The following PKIG variants were observed in gnomAD, a reference collection of about 807,000 sequenced individuals.
The protein encoded by PKIG is cAMP-dependent protein kinase inhibitor gamma.
A neutral mutation model predicts 6.8 loss-of-function variants in PKIG; 1 was observed. The observed-to-expected ratio is 0.15, with a 90% CI of 0.05 to 0.69. The LOEUF (loss-of-function observed/expected upper bound fraction) is 0.69, where lower values mean the gene tolerates loss of function less well. Ranked by LOEUF, PKIG falls within the 30% of genes least tolerant of loss-of-function variation. The pLI is 0.82. For missense variants in PKIG, 77 were observed against 104.0 expected (o/e 0.74, Z 1.13); for synonymous variants, 39 against 43.0 (o/e 0.91, Z 0.36).
chr20:44,569,451 T>TA (rs1471120245), intron 1 of PKIG, among the ~76,000 whole-genome samples: 6 of 152,102 alleles, frequency 3.9e-5, no homozygotes, highest in East Asian at 1.9e-4. Flanking sequence ...GCGATGAAAG[T>TA]AAAAAAAATC....
intron 1 of PKIG, among the ~76,000 whole-genome samples, chr20:44,555,405 C>A (rs920508164): frequency 6.6e-6 from 1 of 152,176 alleles, no homozygotes; most frequent in Non-Finnish European, 1.5e-5. Flanking sequence ...TTGCCAAATT[C>A]TATAGGTTTT....
In PKIG at chr20:44,587,060, A is replaced by G. The variant is rs528930434; in HGVS notation, c.-93-2737A>G. 2.6e-4 allele frequency among the ~76,000 whole-genome samples: 40 copies of G among 152,322 alleles called. No individual in the cohort carries two copies. The Middle Eastern group carries it at 0.017, about 65-fold the overall frequency. ...TCAGTTACTGTTTTAGTACTTTATCAGTGTAGTCTTTAACATTCCATAAAT... is the reference window on the plus strand; with the variant it reads ...TCAGTTACTGTTTTAGTACTTTATCGGTGTAGTCTTTAACATTCCATAAAT... On this transcript the variant is annotated intron_variant, in intron 1 of 3. Coordinates refer to ENST00000372886, the MANE Select transcript of PKIG (RefSeq NM_001281445.2).
chr20:44,602,263 T>A (rs975947615), intron 2 of PKIG, among the ~76,000 whole-genome samples: 5 of 152,222 alleles, frequency 3.3e-5, no homozygotes, highest in African/African-American at 1.2e-4. Context: ...TCTATCCAAC[T>A]TTTCTGTAGA....
intron 2 of PKIG, among the ~76,000 whole-genome samples, chr20:44,606,984 C>G (rs1356774617): frequency 6.6e-6 from 1 of 152,220 alleles, no homozygotes. Context: ...AAATAAATTT[C>G]TGTTCTTTAG....
intron 1 of PKIG, among the ~76,000 whole-genome samples, chr20:44,572,075 C>T (rs1426206753): frequency 1.3e-5 from 2 of 152,232 alleles, no homozygotes; most frequent in Non-Finnish European, 2.9e-5. Flanking sequence ...ACAATCTCAG[C>T]TCATTACAAC....
At chr20:44,549,884 T>C (rs888037743) in intron 1 of PKIG, among the ~76,000 whole-genome samples, 1 of 152,108 alleles carries the variant, frequency 6.6e-6, no homozygotes, top group African/African-American at 2.4e-5. Flanking sequence ...TTTGTAATTA[T>C]AGGAATTCTT....
chr20:44,592,140 T>A (rs905925990), intron 2 of PKIG, among the ~76,000 whole-genome samples: 1 of 152,186 alleles, frequency 6.6e-6, no homozygotes, highest in Non-Finnish European at 1.5e-5. Flanking sequence ...TTTAGTTTGA[T>A]CTTATGAAGT....
chr20:44,560,736 A>G (rs1339027411), intron 1 of PKIG, among the ~76,000 whole-genome samples: 1 of 152,200 alleles, frequency 6.6e-6, no homozygotes, highest in Non-Finnish European at 1.5e-5. Flanking sequence ...GGGAATGTAG[A>G]CCAAGATCTT....
chr20:44,603,217 C>G (rs1043354551), intron 2 of PKIG, among the ~76,000 whole-genome samples: 1 of 152,130 alleles, frequency 6.6e-6, no homozygotes, highest in Non-Finnish European at 1.5e-5. Context: ...CACCGTTAAA[C>G]AGAGTAAAAA....
intron 2 of PKIG, among the ~76,000 whole-genome samples, chr20:44,608,285 A>G (rs2065185023): frequency 6.6e-6 from 1 of 152,238 alleles, no homozygotes; most frequent in Non-Finnish European, 1.5e-5. Flanking sequence ...ATATTAATGT[A>G]TGTAATTATA....
chr20:44,574,562 T>G (rs1224798032), intron 1 of PKIG, among the ~76,000 whole-genome samples: 2 of 151,454 alleles, frequency 1.3e-5, no homozygotes, highest in East Asian at 1.9e-4. Flanking sequence ...TCAGCATGTT[T>G]TTTTTGTTTT....
chr20:44,598,530 G>A (rs1458648181), intron 2 of PKIG: 1 of 152,218 alleles, frequency 6.6e-6, no homozygotes, highest in Non-Finnish European at 1.5e-5. Flanking sequence ...GGCATGGGCA[G>A]ACCTGGAGTG....
At position 44,618,649 on chromosome 20, in the gene PKIG, G is replaced by A. The variant is rs2065293728; in HGVS notation, c.*285G>A. 11 of 369,226 alleles carry A rather than the reference G, an allele frequency of 3.0e-5. No homozygotes were observed. The highest frequency in any genetic ancestry group is 2.0e-4 in the Admixed American group (5 of 25,344). The allele number at this position is 369,226 out of a possible 1,614,324, so 22.9% of individuals were successfully genotyped here. A position where few individuals can be genotyped will look rare whatever the true frequency, so the allele number is the denominator to read the frequency against. Reference sequence around the variant, plus strand: ...ATTGAGCTGGCGCCGGGACTTGGGCGGGGCCTGCCCTACAGTGAGCAGCCC... The same window carrying A: ...ATTGAGCTGGCGCCGGGACTTGGGCAGGGCCTGCCCTACAGTGAGCAGCCC... On this transcript the variant is annotated 3_prime_UTR_variant, in exon 4 of 4. Coordinates refer to ENST00000372886, the MANE Select transcript of PKIG (RefSeq NM_001281445.2).
chr20:44,548,635 A>G (rs944652780), intron 1 of PKIG, among the ~76,000 whole-genome samples: 1 of 152,162 alleles, frequency 6.6e-6, no homozygotes, highest in African/African-American at 2.4e-5. Flanking sequence ...TCTTTGAAAT[A>G]TAAACAGCAT....
At chr20:44,557,281 C>A (rs1006272885) in intron 1 of PKIG, among the ~76,000 whole-genome samples, 4 of 151,912 alleles carry the variant, frequency 2.6e-5, no homozygotes, top group Non-Finnish European at 5.9e-5. Context: ...CCCAGCACTT[C>A]GGGAGGCAAA....
chr20:44,567,309 C>T (rs2064818455), intron 1 of PKIG, among the ~76,000 whole-genome samples: 1 of 152,198 alleles, frequency 6.6e-6, no homozygotes, highest in African/African-American at 2.4e-5. Context: ...AGGTCAGCCC[C>T]GTAAGAACTC....
At chr20:44,532,819 CAGGTAGAGAAAGT>C (rs1420051715) in intron 1 of PKIG, among the ~76,000 whole-genome samples, 1 of 152,004 alleles carries the variant, frequency 6.6e-6, no homozygotes, top group Non-Finnish European at 1.5e-5. Flanking sequence ...GTAGATAAAG[CAGGTAGAGAAAGT>C]AGGTAGAGAA....
intron 1 of PKIG, among the ~76,000 whole-genome samples, chr20:44,564,679 A>C (rs1291841963): frequency 6.6e-6 from 1 of 152,206 alleles, no homozygotes; most frequent in African/African-American, 2.4e-5. Flanking sequence ...ATCTGGGACT[A>C]CAGGTGTTCC....
At chr20:44,607,357 G>GTA (rs1392415033) in intron 2 of PKIG, among the ~76,000 whole-genome samples, 1 of 136,602 alleles carries the variant, frequency 7.3e-6, no homozygotes, top group African/African-American at 2.9e-5. Context: ...GTGTGTGTGT[G>GTA]TGTATATATA....
Sources: allele counts gnomAD v4.1 joint callset (sites outside exome capture counted in the v4.1 genomes callset), GRCh38; gene constraint gnomAD v4.1.1; transcripts MANE v1.5; gene names NCBI Gene and HGNC (gene_info 2026-07-23, HGNC 2026-07-21).